Variants in MECOM observed in about 807,000 individuals in gnomAD.
MECOM encodes histone-lysine N-methyltransferase MECOM.
Under a neutral mutation model 116.3 loss-of-function variants are expected in MECOM, and 13 were observed. That is an observed-to-expected ratio of 0.11 (90% CI 0.07 to 0.18). The LOEUF (loss-of-function observed/expected upper bound fraction) is 0.18. Among genes scored for constraint, MECOM ranks in the 10% least tolerant of loss-of-function variants. The pLI is 1.00. For synonymous variants in MECOM, 528 were observed against 535.2 expected, an observed-to-expected ratio of 0.99 and a Z score of 0.19; for missense variants, 1,299 against 1,509.0, an observed-to-expected ratio of 0.86 and a Z score of 2.31.
intron 1 of MECOM, among the ~76,000 whole-genome samples, chr3:169,524,345 C>G (rs577707854): frequency 9.9e-5 from 15 of 152,168 alleles, no homozygotes; most frequent in African/African-American, 3.6e-4. Flanking sequence ...AAATCAAGAT[C>G]CTCTGACAGT....
At chr3:169,233,917 T>C (rs945687702) in intron 2 of MECOM, among the ~76,000 whole-genome samples, 1 of 152,158 alleles carries the variant, frequency 6.6e-6, no homozygotes, top group Admixed American at 6.6e-5. Context: ...TTGCTGCTTA[T>C]CAGTTTTTTA....
intron 2 of MECOM, among the ~76,000 whole-genome samples, chr3:169,343,797 G>A (rs1724937080): frequency 6.6e-6 from 1 of 152,044 alleles, no homozygotes; most frequent in Non-Finnish European, 1.5e-5. Flanking sequence ...GGACCAACCT[G>A]ACATGTTAAG....
chr3:169,663,522 C>A lies in MECOM; in HGVS notation c.-150G>T. 1 of 659,214 alleles carries A rather than the reference C, an allele frequency of 1.5e-6. No individual in the cohort carries two copies. Among genetic ancestry groups the A allele is most frequent in the Non-Finnish European group, 2.7e-6 (1 of 374,328 alleles). 40.8% of individuals were successfully genotyped at this position (659,214 alleles called of 1,614,324 possible). On this transcript the variant is annotated 5_prime_UTR_variant, in exon 1 of 17. Coordinates refer to ENST00000651503, the MANE Select transcript of MECOM (RefSeq NM_004991.4). ...TCTCTCTCTCTCTCTCTCTCTCTCTCTCTCTCTCCCTCCCTCCTGTTTCTC... is the reference window on the plus strand; with the variant it reads ...TCTCTCTCTCTCTCTCTCTCTCTCTATCTCTCTCCCTCCCTCCTGTTTCTC...
At chr3:169,494,507 T>C (rs965715757) in intron 1 of MECOM, among the ~76,000 whole-genome samples, 9 of 152,176 alleles carry the variant, frequency 5.9e-5, no homozygotes, top group Non-Finnish European at 1.3e-4. Context: ...GATCAAACTA[T>C]TCTCAAGGTG....
At chr3:169,393,909 C>T (rs1380322565) in intron 1 of MECOM, among the ~76,000 whole-genome samples, 2 of 152,066 alleles carry the variant, frequency 1.3e-5, no homozygotes, top group Non-Finnish European at 2.9e-5. Context: ...AAAATTCTTA[C>T]TAACTTAAAT....
At chr3:169,145,385 C>G in intron 2 of MECOM, 1 of 264,090 alleles carries the variant, frequency 3.8e-6, no homozygotes, top group Non-Finnish European at 7.2e-6. Context: ...CCCCCCATCC[C>G]AGATGTTGAG....
intron 1 of MECOM, among the ~76,000 whole-genome samples, chr3:169,425,907 A>G (rs950054378): frequency 1.3e-5 from 2 of 152,194 alleles, no homozygotes; most frequent in Non-Finnish European, 2.9e-5. Context: ...CAAAGCAGAT[A>G]GCATAGAGCC....
At chr3:169,131,728 G>A in intron 3 of MECOM, 197 bp from the exon 4 acceptor site, 1 of 634,200 alleles carries the variant, frequency 1.6e-6, no homozygotes. Context: ...ATGGAAAGCT[G>A]TGACTCTCAA....
intron 1 of MECOM, among the ~76,000 whole-genome samples, chr3:169,575,419 A>G (rs1764376393): frequency 6.6e-6 from 1 of 152,192 alleles, no homozygotes; most frequent in South Asian, 2.1e-4. Flanking sequence ...CACTCCGAAG[A>G]CTGGCAGAGA....
chr3:169,169,970 A>G (rs1744162872), intron 2 of MECOM, among the ~76,000 whole-genome samples: 1 of 152,100 alleles, frequency 6.6e-6, no homozygotes, highest in African/African-American at 2.4e-5. Context: ...TGTAGTTCCT[A>G]CTGGAAATGA....
intron 2 of MECOM, among the ~76,000 whole-genome samples, chr3:169,310,405 C>T (rs1718533745): frequency 6.6e-6 from 1 of 152,162 alleles, no homozygotes; most frequent in South Asian, 2.1e-4. Flanking sequence ...GTGGCTATTC[C>T]ATGTGTCTCA....
intron 1 of MECOM, among the ~76,000 whole-genome samples, chr3:169,514,157 T>C (rs1182146544): frequency 6.6e-6 from 1 of 152,156 alleles, no homozygotes; most frequent in Non-Finnish European, 1.5e-5. Context: ...TTTTTGAGTG[T>C]GAAAATGTCC....
intron 1 of MECOM, among the ~76,000 whole-genome samples, chr3:169,659,843 G>A (rs963199743): frequency 1.3e-4 from 19 of 151,972 alleles, no homozygotes; most frequent in Admixed American, 7.9e-4. Context: ...CGGGAGAAAG[G>A]GTCGGCATCT....
intron 2 of MECOM, among the ~76,000 whole-genome samples, chr3:169,348,727 A>G (rs1725795245): frequency 6.6e-6 from 1 of 152,034 alleles, no homozygotes; most frequent in Non-Finnish European, 1.5e-5. Context: ...ACTTCTACAC[A>G]TTTATTGCCA....
chr3:169,163,106 C>T (rs577336852), intron 2 of MECOM, among the ~76,000 whole-genome samples: 8 of 152,220 alleles, frequency 5.3e-5, no homozygotes, highest in African/African-American at 1.9e-4. Flanking sequence ...CTATTCAGTG[C>T]AGTTTTCTGT....
At chr3:169,339,505 T>C (rs1218951222) in intron 2 of MECOM, among the ~76,000 whole-genome samples, 1 of 152,214 alleles carries the variant, frequency 6.6e-6, no homozygotes, top group African/African-American at 2.4e-5. Flanking sequence ...CCTTACCTAG[T>C]GTCTTGCTGC....
chr3:169,421,956 T>A (rs1439899722), intron 1 of MECOM, among the ~76,000 whole-genome samples: 1 of 152,132 alleles, frequency 6.6e-6, no homozygotes, highest in Non-Finnish European at 1.5e-5. Context: ...ATTGAGGGTT[T>A]AACTTTCTGT....
At chr3:169,313,388 G>A (rs772704149) in intron 2 of MECOM, among the ~76,000 whole-genome samples, 1 of 152,234 alleles carries the variant, frequency 6.6e-6, no homozygotes, top group Non-Finnish European at 1.5e-5. Context: ...TTTGAGGATG[G>A]AAGATAGCAC....
intron 2 of MECOM, among the ~76,000 whole-genome samples, chr3:169,243,908 C>T (rs918990936): frequency 3.9e-5 from 6 of 152,296 alleles, no homozygotes; most frequent in South Asian, 4.1e-4. Flanking sequence ...CCTGACAGGC[C>T]TAACCCTCAA....
Sources: gnomAD v4.1 joint callset for allele counts (sites outside exome capture counted in the v4.1 genomes callset) on GRCh38, gnomAD v4.1.1 for gene constraint, MANE v1.5 for transcripts, NCBI Gene and HGNC (gene_info 2026-07-23, HGNC 2026-07-21) for gene names.